Variants in GRM7 observed in about 807,000 individuals in gnomAD.
GRM7 encodes glutamate metabotropic receptor 7.
Under a neutral mutation model 84.5 loss-of-function variants are expected in GRM7, and 35 were observed. The observed-to-expected ratio is 0.41, with a 90% CI of 0.32 to 0.55. The LOEUF (loss-of-function observed/expected upper bound fraction) is 0.55, where lower values mean the gene tolerates loss of function less well. GRM7 is among the 20% of genes least tolerant of loss of function. The pLI is 0.19. For missense variants in GRM7, 1,003 were observed against 1,194.6 expected (o/e 0.84, Z 2.36); for synonymous variants, 487 against 455.1 (o/e 1.07, Z -0.89).
At chr3:7,176,262 A>AAAG (rs1695146081) in intron 2 of GRM7, among the ~76,000 whole-genome samples, 1 of 116,834 alleles carries the variant, frequency 8.6e-6, no homozygotes, top group Non-Finnish European at 1.7e-5. Flanking sequence ...AAAAAAAAAA[A>AAAG]TAGCTGGGTG....
At chr3:7,078,997 A>G (rs1698188969) in intron 1 of GRM7, among the ~76,000 whole-genome samples, 1 of 152,172 alleles carries the variant, frequency 6.6e-6, no homozygotes, top group Non-Finnish European at 1.5e-5. Context: ...CCTAAGCCAC[A>G]AAAACATATT....
intron 9 of GRM7, among the ~76,000 whole-genome samples, chr3:7,734,469 T>TA (rs1466696321): frequency 6.6e-6 from 1 of 152,202 alleles, no homozygotes; most frequent in Admixed American, 6.5e-5. Flanking sequence ...TAGCATGTAG[T>TA]AAAGTTCCTG....
chr3:6,915,932 C>T (rs1696925984), intron 1 of GRM7, among the ~76,000 whole-genome samples: 1 of 152,138 alleles, frequency 6.6e-6, no homozygotes, highest in Non-Finnish European at 1.5e-5. Flanking sequence ...ATGGCAAAGT[C>T]AGAGTTTGAT....
At chr3:7,445,592 A>G (rs1384828663) in intron 5 of GRM7, among the ~76,000 whole-genome samples, 7 of 152,112 alleles carry the variant, frequency 4.6e-5, no homozygotes, top group Non-Finnish European at 8.8e-5. Context: ...GCACAGCAAT[A>G]CTGCAGACAT....
chr3:6,942,787 A>G (rs533860447), intron 1 of GRM7, among the ~76,000 whole-genome samples: 1 of 152,110 alleles, frequency 6.6e-6, no homozygotes, highest in Non-Finnish European at 1.5e-5. Flanking sequence ...TTAACTTTTT[A>G]AGAAATTGCC....
intron 1 of GRM7, among the ~76,000 whole-genome samples, chr3:7,048,826 T>G (rs1030448229): frequency 6.6e-6 from 1 of 151,954 alleles, no homozygotes; most frequent in East Asian, 1.9e-4. Flanking sequence ...GAACTTATTC[T>G]TCCTGTCTAA....
intron 7 of GRM7, among the ~76,000 whole-genome samples, chr3:7,562,981 G>T (rs1694094139): frequency 6.6e-6 from 1 of 152,056 alleles, no homozygotes; most frequent in African/African-American, 2.4e-5. Context: ...GGAAACAAGA[G>T]ATTCAAAACT....
At chr3:7,558,136 A>G (rs372940902) in intron 7 of GRM7, among the ~76,000 whole-genome samples, 1 of 152,104 alleles carries the variant, frequency 6.6e-6, no homozygotes, top group Non-Finnish European at 1.5e-5. Flanking sequence ...ATGACAATGT[A>G]TCTCTTGAAA....
intron 1 of GRM7, among the ~76,000 whole-genome samples, chr3:7,029,315 CAA>C (rs1207041327): frequency 2.2e-5 from 2 of 92,842 alleles, no homozygotes; most frequent in Non-Finnish European, 4.8e-5. Flanking sequence ...AAAAAAAAAA[CAA>C]AAAAAAAAAA....
intron 8 of GRM7, among the ~76,000 whole-genome samples, chr3:7,631,083 C>T (rs189284713): frequency 2.6e-5 from 4 of 152,256 alleles, no homozygotes; most frequent in South Asian, 2.1e-4. Context: ...ACACCGTGGC[C>T]GCAGGGTCAA....
intron 5 of GRM7, among the ~76,000 whole-genome samples, chr3:7,439,883 A>G (rs55977717): frequency 0.35 from 52,838 of 150,594 alleles, 10,716 homozygotes; most frequent in Non-Finnish European, 0.48. Context: ...TTGGAAAGAC[A>G]GAGGGAGCTG....
intron 1 of GRM7, among the ~76,000 whole-genome samples, chr3:6,879,812 T>C (rs538141567): frequency 6.6e-6 from 1 of 152,188 alleles, no homozygotes; most frequent in South Asian, 2.1e-4. Context: ...TACCTAACTT[T>C]CCTCATGTAA....
chr3:7,080,782 G>A (rs73029549), intron 1 of GRM7, among the ~76,000 whole-genome samples: 28,839 of 151,756 alleles, frequency 0.19, 2,848 homozygotes, highest in South Asian at 0.22. Context: ...TATGGCAATT[G>A]TATTGTCTTT....
chr3:7,140,957 C>A (rs764130296), intron 1 of GRM7, among the ~76,000 whole-genome samples: 2 of 151,878 alleles, frequency 1.3e-5, no homozygotes, highest in Non-Finnish European at 2.9e-5. Flanking sequence ...AAATGTCCTA[C>A]AAGTTCTAGC....
intron 1 of GRM7, among the ~76,000 whole-genome samples, chr3:6,933,773 T>A (rs1029727059): frequency 6.6e-6 from 1 of 151,434 alleles, no homozygotes. Context: ...CCAGTTATTC[T>A]GAGTCAGGTA....
intron 8 of GRM7, chr3:7,636,168 C>T (rs191626782): frequency 8.8e-6 from 4 of 455,666 alleles, no homozygotes; most frequent in African/African-American, 8.0e-5. Context: ...TAAACTGTGT[C>T]CACTAGGCTA....
intron 1 of GRM7, among the ~76,000 whole-genome samples, chr3:6,969,356 G>A (rs1023256056): frequency 5.3e-5 from 8 of 152,070 alleles, no homozygotes; most frequent in Non-Finnish European, 8.8e-5. Flanking sequence ...AAAATAGCAG[G>A]TAGTTATCAT....
rs7624264 is a variant in GRM7, at chr3:7,146,942, A to G, written c.736+274A>G. ...TTACTTCTGCCTAATGGGTAATAGG[A>G]TAGATTCTAGCCTGTGTATGAAAAC... On this transcript the variant is annotated intron_variant, in intron 2 of 9. Transcript: ENST00000357716. 0.25 allele frequency among the ~76,000 whole-genome samples: 38,122 copies of G among 152,028 alleles called. 5,593 individuals carry two copies. Among genetic ancestry groups the G allele is most frequent in the African/African-American group, 0.42 (17,275 of 41,436 alleles).
chr3:7,522,234 T>C lies in GRM7; in HGVS notation c.1516-56188T>C, dbSNP rs538775489. On this transcript the variant is annotated intron_variant, in intron 7 of 9. Transcript: ENST00000357716. Reference sequence around the variant, plus strand: ...CTTTCTAAATCTGGTAATTTGAATCTTGTGTCATTCTATAACATCTTTTTT... The same window carrying C: ...CTTTCTAAATCTGGTAATTTGAATCCTGTGTCATTCTATAACATCTTTTTT... 4.6e-5 allele frequency among the ~76,000 whole-genome samples: 7 copies of C among 152,324 alleles called. No individual in the cohort carries two copies. The South Asian group carries it at 1.0e-3, about 23-fold the overall frequency.
Sources: gnomAD v4.1 joint callset for allele counts (sites outside exome capture counted in the v4.1 genomes callset) on GRCh38, gnomAD v4.1.1 for gene constraint, MANE v1.5 for transcripts, NCBI Gene and HGNC (gene_info 2026-07-23, HGNC 2026-07-21) for gene names.